The following MEP1A variants were observed in gnomAD, a reference collection of about 807,000 sequenced individuals.
The protein encoded by MEP1A is meprin A subunit alpha, also known as N-benzoyl-L-tyrosyl-P-amino-benzoic acid hydrolase subunit alpha.
MEP1A carries 68 observed loss-of-function variants against 84.5 expected under a neutral mutation model. That is an observed-to-expected ratio of 0.80 (90% CI 0.66 to 0.98). The LOEUF (loss-of-function observed/expected upper bound fraction) is 0.98, where lower values mean the gene tolerates loss of function less well. Ranked by LOEUF, MEP1A falls within the 50% of genes least tolerant of loss-of-function variation. The pLI is 0.00. For missense variants in MEP1A, 887 were observed against 919.9 expected (o/e 0.96, Z 0.46); for synonymous variants, 337 against 336.8 (o/e 1.00, Z -0.01).
intron 7 of MEP1A, among the ~76,000 whole-genome samples, chr6:46,821,222 A>G (rs1381888397): frequency 6.6e-6 from 1 of 152,136 alleles, no homozygotes; most frequent in Non-Finnish European, 1.5e-5. Context: ...TATTCTGGTA[A>G]TTCTATGAAT....
At chr6:46,838,537 C>A (rs1768267028) in intron 13 of MEP1A, among the ~76,000 whole-genome samples, 1 of 152,144 alleles carries the variant, frequency 6.6e-6, no homozygotes, top group Admixed American at 6.5e-5. Context: ...TTTTAAGTTA[C>A]CACTGATGCT....
At chr6:46,842,632 A>G (rs1243606914), downstream of MEP1A, among the ~76,000 whole-genome samples, 4 of 152,306 alleles carry the variant, frequency 2.6e-5, no homozygotes, top group East Asian at 1.9e-4. Flanking sequence ...ACAGTGGGAC[A>G]TAGACCCTCA....
chr6:46,825,260 T>C lies in MEP1A; in HGVS notation c.557-12T>C, dbSNP rs767817586. On this transcript the variant is annotated splice_polypyrimidine_tract_variant and intron_variant, in intron 7 of 13. Transcript: ENST00000230588. ...ATGACTGAGAAGGACCTGTGGATTC[T>C]CTCCCTAACAGGTTACCAGCACAAC... The C allele has an allele frequency of 1.9e-6, 3 of 1,570,924 alleles. No homozygotes were observed. Among genetic ancestry groups the C allele is most frequent in the East Asian group, 4.5e-5 (2 of 44,288 alleles).
In MEP1A at chr6:46,819,708, T is replaced by A. The variant is rs778225759; in HGVS notation, c.556+4T>A. Reference sequence around the variant, plus strand: ...TGGTGGGACCAAATTCTTTCAGGTGTGATTGGGCGGAGATTGCTATCACAT... The same window carrying A: ...TGGTGGGACCAAATTCTTTCAGGTGAGATTGGGCGGAGATTGCTATCACAT... On this transcript the variant is annotated splice_donor_region_variant and intron_variant, in intron 7 of 13. Coordinates refer to ENST00000230588, the MANE Select transcript of MEP1A (RefSeq NM_005588.3). The A allele has an allele frequency of 6.2e-7, 1 of 1,612,726 alleles. No homozygotes were observed. Among genetic ancestry groups the A allele is most frequent in the Non-Finnish European group, 8.5e-7 (1 of 1,179,306 alleles).
intron 10 of MEP1A, among the ~76,000 whole-genome samples, chr6:46,832,276 T>C (rs1201194964): frequency 6.6e-6 from 1 of 152,094 alleles, no homozygotes; most frequent in African/African-American, 2.4e-5. Flanking sequence ...CGGAATTGAG[T>C]TGCTTTGCTT....
intron 7 of MEP1A, among the ~76,000 whole-genome samples, chr6:46,822,471 T>C (rs772450259): frequency 1.6e-4 from 24 of 152,184 alleles, no homozygotes; most frequent in Non-Finnish European, 3.2e-4. Context: ...TTATTCAAAA[T>C]ATATGTTTGT....
At chr6:46,813,406 C>T (rs943477075) in intron 6 of MEP1A, among the ~76,000 whole-genome samples, 2 of 152,030 alleles carry the variant, frequency 1.3e-5, no homozygotes, top group East Asian at 3.9e-4. Flanking sequence ...GAGGAAAGTT[C>T]CACAGCATTA....
chr6:46,799,927 G>A (rs1226842953), intron 5 of MEP1A, among the ~76,000 whole-genome samples: 2 of 152,130 alleles, frequency 1.3e-5, no homozygotes, highest in African/African-American at 4.8e-5. Flanking sequence ...GGGAAGCCAG[G>A]ACAGGGTTGC....
chr6:46,838,190 A>G (rs1281354228), intron 13 of MEP1A, among the ~76,000 whole-genome samples: 1 of 152,012 alleles, frequency 6.6e-6, no homozygotes, highest in Non-Finnish European at 1.5e-5. Flanking sequence ...ACCATGCCCA[A>G]CCAGAAAATG....
At chr6:46,798,154 G>T (rs1256287558) in intron 3 of MEP1A, among the ~76,000 whole-genome samples, 1 of 151,932 alleles carries the variant, frequency 6.6e-6, no homozygotes, top group East Asian at 1.9e-4. Flanking sequence ...TTTTAGTAGA[G>T]ACAGGGTTTT....
At chr6:46,842,405 G>A (rs1459162245), downstream of MEP1A, among the ~76,000 whole-genome samples, 1 of 152,114 alleles carries the variant, frequency 6.6e-6, no homozygotes, top group African/African-American at 2.4e-5. Flanking sequence ...AATACCTTGG[G>A]GGAAGGAATG....
Position 46,829,478 on chromosome 6 carries a change from A to G in MEP1A, c.1051A>G (p.Thr351Ala). 1 of 1,614,176 alleles carries G rather than the reference A, an allele frequency of 6.2e-7. No individual in the cohort carries two copies. The highest frequency in any genetic ancestry group is 8.5e-7 in the Non-Finnish European group (1 of 1,180,010). ...GTGCCTGCAATTTTTCTATAAAATG[A>G]CGGGAAGTCCTTCAGACAGACTCGT... Reference protein sequence around the residue: ...QQCLQFFYKMTGSPSDRLVVW... With the variant: ...QQCLQFFYKMAGSPSDRLVVW... The change falls in exon 10 of 14, where the codon ACG (threonine) becomes GCG (alanine). Residue 351 changes from threonine (T) to alanine (A), a missense_variant. Coordinates refer to ENST00000230588, the MANE Select transcript of MEP1A (RefSeq NM_005588.3).
At chr6:46,798,344 C>A (rs181584019) in intron 3 of MEP1A, among the ~76,000 whole-genome samples, 1 of 152,170 alleles carries the variant, frequency 6.6e-6, no homozygotes, top group East Asian at 1.9e-4. Context: ...CAGTAAAATC[C>A]CTTCTAACTT....
chr6:46,814,276 G>A (rs1442798601), intron 6 of MEP1A, among the ~76,000 whole-genome samples: 1 of 151,940 alleles, frequency 6.6e-6, no homozygotes, highest in South Asian at 2.1e-4. Flanking sequence ...GATGGATGGG[G>A]TTAATTCAAA....
Position 46,824,998 on chromosome 6 carries a change from C to CTATTTAAATATATATAAATTATA in MEP1A, c.557-267_557-266insATATATATAAATTATATATTTAA, listed in dbSNP as rs1767893464. Among the ~76,000 whole-genome samples the CTATTTAAATATATATAAATTATA allele has an allele frequency of 1.1e-3, 82 of 71,422 alleles. 4 individuals are homozygous for CTATTTAAATATATATAAATTATA. The highest frequency in any genetic ancestry group is 1.8e-3 in the Non-Finnish European group (51 of 29,024). The allele number at this position is 71,422 out of a possible 152,430, so 46.9% of individuals were successfully genotyped here. ...ATATAAATTATATATTTAAATAGAT[C>CTATTTAAATATATATAAATTATA]TATTTAAGTATATATAAATTATATA... On this transcript the variant is annotated intron_variant, in intron 7 of 13. Transcript: ENST00000230588.
At chr6:46,831,801 C>T (rs1768081376) in intron 10 of MEP1A, among the ~76,000 whole-genome samples, 1 of 152,184 alleles carries the variant, frequency 6.6e-6, no homozygotes, top group Admixed American at 6.5e-5. Context: ...CACCTATTAC[C>T]CTTCAAGTCC....
At chr6:46,843,482 C>T (rs1369144311), downstream of MEP1A, among the ~76,000 whole-genome samples, 1 of 152,176 alleles carries the variant, frequency 6.6e-6, no homozygotes, top group Non-Finnish European at 1.5e-5. Context: ...TTTTAAGCAT[C>T]CTTTATACTA....
At chr6:46,814,039 C>A (rs1230785317) in intron 6 of MEP1A, among the ~76,000 whole-genome samples, 1 of 152,120 alleles carries the variant, frequency 6.6e-6, no homozygotes, top group Non-Finnish European at 1.5e-5. Context: ...AGGCGATGAT[C>A]TTTTTGAGAT....
Position 46,835,441 on chromosome 6 carries a change from G to C in MEP1A, c.1976G>C (p.Gly659Ala). 6.2e-7 allele frequency: 1 copy of C among 1,612,340 alleles called. No individual in the cohort carries two copies. Among genetic ancestry groups the C allele is most frequent in the Non-Finnish European group, 8.5e-7 (1 of 1,179,274 alleles). The change falls in exon 13 of 14, where the codon GGC becomes GCC. Residue 659 changes from glycine to alanine, a missense_variant. Coordinates refer to ENST00000230588, the MANE Select transcript of MEP1A (RefSeq NM_005588.3). Reference protein sequence around the residue: ...SRQKRSVENTGPLEDHNWPQY... With the variant: ...SRQKRSVENTAPLEDHNWPQY... ...CAGAAGCGGTCGGTGGAGAACACAGGCCCCCTGGAGGACCATAACTGGCCA... is the reference window on the plus strand; with the variant it reads ...CAGAAGCGGTCGGTGGAGAACACAGCCCCCCTGGAGGACCATAACTGGCCA...
Sources: allele counts gnomAD v4.1 joint callset (sites outside exome capture counted in the v4.1 genomes callset), GRCh38; gene constraint gnomAD v4.1.1; transcripts MANE v1.5; gene names NCBI Gene and HGNC (gene_info 2026-07-23, HGNC 2026-07-21).